Variants in PGCKA1 observed in about 807,000 individuals in gnomAD.
The protein encoded by PGCKA1 is PDCD10 and GCKIII kinases associated 1.
chr4:37,471,918 C>T, the PGCKA1 span, among the ~76,000 whole-genome samples: 1 of 152,150 alleles, frequency 6.6e-6, no homozygotes, highest in Non-Finnish European at 1.5e-5. Context: ...CTGTCTTAAC[C>T]TCTGGCCTCA....
the PGCKA1 span, among the ~76,000 whole-genome samples, chr4:37,583,130 G>A: frequency 6.6e-6 from 1 of 152,246 alleles, no homozygotes; most frequent in South Asian, 2.1e-4. Context: ...TAATATTCCA[G>A]TTGTTCCACA....
At chr4:37,590,404 C>T in the PGCKA1 span, 2 of 1,613,542 alleles carry the variant, frequency 1.2e-6, no homozygotes, top group Admixed American at 3.3e-5. Flanking sequence ...CAGCCCCACC[C>T]AGGATGACAG....
the PGCKA1 span, among the ~76,000 whole-genome samples, chr4:37,543,023 C>G: frequency 6.6e-6 from 1 of 152,158 alleles, no homozygotes; most frequent in Non-Finnish European, 1.5e-5. Context: ...TCATCTAATT[C>G]ACTCTTTCTC....
At chr4:37,591,218 C>T in the PGCKA1 span, 1 of 454,992 alleles carries the variant, frequency 2.2e-6, no homozygotes, top group East Asian at 3.5e-5. Context: ...ATTCAGGACA[C>T]TAGGAGAAAA....
chr4:37,462,582 T>C, the PGCKA1 span, among the ~76,000 whole-genome samples: 1 of 152,200 alleles, frequency 6.6e-6, no homozygotes, highest in African/African-American at 2.4e-5. Flanking sequence ...CCCTGCCTGA[T>C]TTTCTTATTT....
chr4:37,586,367 T>A, the PGCKA1 span, among the ~76,000 whole-genome samples: 1 of 152,188 alleles, frequency 6.6e-6, no homozygotes, highest in Non-Finnish European at 1.5e-5. Flanking sequence ...TCCACATTTA[T>A]TGACTGCCTG....
chr4:37,521,075 C>T, the PGCKA1 span, among the ~76,000 whole-genome samples: 1 of 151,992 alleles, frequency 6.6e-6, no homozygotes, highest in East Asian at 1.9e-4. Context: ...CTCCTCTGAT[C>T]TTCATTATTT....
the PGCKA1 span, among the ~76,000 whole-genome samples, chr4:37,502,619 CA>C: frequency 6.6e-6 from 1 of 152,192 alleles, no homozygotes; most frequent in East Asian, 1.9e-4. Flanking sequence ...AGAGGCAGCA[CA>C]GGGTGCGTGC....
chr4:37,513,192 T>C, the PGCKA1 span, among the ~76,000 whole-genome samples: 142 of 152,326 alleles, frequency 9.3e-4, no homozygotes, highest in African/African-American at 3.0e-3. Flanking sequence ...TGCTTATTAT[T>C]AGCCGGTCAG....
chr4:37,475,768 A>G, the PGCKA1 span, among the ~76,000 whole-genome samples: 4 of 152,064 alleles, frequency 2.6e-5, no homozygotes, highest in Non-Finnish European at 5.9e-5. Flanking sequence ...ATTTCTAGAA[A>G]GGGGTTCTAG....
the PGCKA1 span, among the ~76,000 whole-genome samples, chr4:37,475,253 T>C: frequency 1.3e-5 from 2 of 152,114 alleles, no homozygotes; most frequent in African/African-American, 4.8e-5. Context: ...ATTTCCTCCT[T>C]CCCTCCCCTT....
the PGCKA1 span, among the ~76,000 whole-genome samples, chr4:37,472,120 G>T: frequency 1.3e-5 from 2 of 152,106 alleles, no homozygotes; most frequent in Non-Finnish European, 2.9e-5. Context: ...TGCATACTGC[G>T]TGTGCCCCTG....
chr4:37,560,448 C>T, the PGCKA1 span, among the ~76,000 whole-genome samples: 1 of 152,150 alleles, frequency 6.6e-6, no homozygotes, highest in East Asian at 1.9e-4. Flanking sequence ...CCTGGATTGC[C>T]GGGCACTGCT....
At chr4:37,584,651 T>C in the PGCKA1 span, among the ~76,000 whole-genome samples, 1 of 152,272 alleles carries the variant, frequency 6.6e-6, no homozygotes, top group African/African-American at 2.4e-5. Context: ...AGCACTCACT[T>C]CATTCGGTGC....
chr4:37,477,333 G>A, the PGCKA1 span, among the ~76,000 whole-genome samples: 1 of 152,150 alleles, frequency 6.6e-6, no homozygotes, highest in Admixed American at 6.5e-5. Flanking sequence ...TATATGCAAG[G>A]TCAAGATTAG....
chr4:37,465,542 T>A, the PGCKA1 span, among the ~76,000 whole-genome samples: 1 of 152,092 alleles, frequency 6.6e-6, no homozygotes, highest in East Asian at 1.9e-4. Flanking sequence ...CTGAGAAATG[T>A]CTTGAGCACG....
chr4:37,516,535 C>A, the PGCKA1 span, among the ~76,000 whole-genome samples: 4 of 151,992 alleles, frequency 2.6e-5, no homozygotes, highest in African/African-American at 9.7e-5. Context: ...AGTTCTAATC[C>A]TTCTCTCTCA....
chr4:37,510,589 C>G, the PGCKA1 span, among the ~76,000 whole-genome samples: 2 of 151,954 alleles, frequency 1.3e-5, no homozygotes, highest in Non-Finnish European at 2.9e-5. Flanking sequence ...GCTGAACCAC[C>G]TGGAGCTGAA....
At chr4:37,578,239 G>A in the PGCKA1 span, among the ~76,000 whole-genome samples, 19 of 152,222 alleles carry the variant, frequency 1.2e-4, no homozygotes, top group African/African-American at 4.1e-4. Flanking sequence ...AGTGTTGGGC[G>A]CATATATATT....
Sources: allele counts gnomAD v4.1 joint callset (sites outside exome capture counted in the v4.1 genomes callset), GRCh38; gene constraint gnomAD v4.1.1; transcripts MANE v1.5; gene names NCBI Gene and HGNC (gene_info 2026-07-23, HGNC 2026-07-21).